The following LRRC37A2 variants were observed in gnomAD, a reference collection of about 807,000 sequenced individuals.
LRRC37A2 encodes leucine rich repeat containing 37 member A2, also known as leucine-rich repeat-containing protein 37A2.
A neutral mutation model predicts 68.8 loss-of-function variants in LRRC37A2; 9 were observed. The observed-to-expected ratio is 0.13, with a 90% CI of 0.08 to 0.23. LRRC37A2 has a LOEUF of 0.23. LRRC37A2 is among the 10% of genes least tolerant of loss of function. LRRC37A2 has a pLI of 1.00. For synonymous variants in LRRC37A2, 63 were observed against 367.6 expected, an observed-to-expected ratio of 0.17 and a Z score of 9.48; for missense variants, 168 against 950.4, an observed-to-expected ratio of 0.18 and a Z score of 10.82.
chr17:46,420,821 A>T, the LRRC37A2 span, among the ~76,000 whole-genome samples: 1 of 19,990 alleles, frequency 5.0e-5, no homozygotes, highest in African/African-American at 1.9e-4. Context: ...ATTTTTTGAG[A>T]TGGTGTGTTA....
the LRRC37A2 span, among the ~76,000 whole-genome samples, chr17:46,995,711 A>G: frequency 6.6e-6 from 1 of 152,238 alleles, no homozygotes; most frequent in Admixed American, 6.5e-5. Context: ...TGGCTCTGGA[A>G]TGATTCCCTC....
the LRRC37A2 span, among the ~76,000 whole-genome samples, chr17:46,997,514 CA>C: frequency 6.6e-6 from 1 of 152,112 alleles, no homozygotes; most frequent in Non-Finnish European, 1.5e-5. Context: ...CAAGTCTTGC[CA>C]AAAACTCAAA....
chr17:46,923,305 C>T, the LRRC37A2 span: 2 of 1,546,844 alleles, frequency 1.3e-6, no homozygotes, highest in Non-Finnish European at 8.7e-7. Context: ...CCTCGGACGT[C>T]AGCCAGGGTA....
At chr17:46,740,043 C>T in the LRRC37A2 span, among the ~76,000 whole-genome samples, 1 of 152,146 alleles carries the variant, frequency 6.6e-6, no homozygotes, top group South Asian at 2.1e-4. Flanking sequence ...TTCATAGGCC[C>T]TGGGCACTGT....
chr17:46,847,944 C>T, the LRRC37A2 span, among the ~76,000 whole-genome samples: 4 of 149,612 alleles, frequency 2.7e-5, no homozygotes, highest in African/African-American at 9.9e-5. Context: ...AGCTTTCAGC[C>T]TCATCATGTT....
chr17:46,738,219 C>A, the LRRC37A2 span, among the ~76,000 whole-genome samples: 1 of 152,088 alleles, frequency 6.6e-6, no homozygotes, highest in Non-Finnish European at 1.5e-5. Context: ...CAGGTGTGAG[C>A]CATTACACCC....
the LRRC37A2 span, among the ~76,000 whole-genome samples, chr17:46,737,385 A>G: frequency 6.6e-6 from 1 of 152,194 alleles, no homozygotes. Flanking sequence ...ATTTTTTAGC[A>G]TCAGCATATC....
At chr17:46,964,294 C>T in the LRRC37A2 span, 1 of 152,272 alleles carries the variant, frequency 6.6e-6, no homozygotes, top group African/African-American at 2.4e-5. Flanking sequence ...ACATTGGACT[C>T]CTCCTCCAGG....
chr17:46,836,095 C>CGTGTGTGTGTGT, the LRRC37A2 span, among the ~76,000 whole-genome samples: 4,244 of 126,408 alleles, frequency 0.034, 180 homozygotes, highest in East Asian at 0.13. Context: ...GAGACGCTGA[C>CGTGTGTGTGTGT]GTGTGTGTGT....
the LRRC37A2 span, chr17:46,933,516 A>G: frequency 6.6e-6 from 1 of 152,218 alleles, no homozygotes; most frequent in Non-Finnish European, 1.5e-5. Context: ...GCACATGATG[A>G]AATTAAAAGA....
At chr17:46,812,249 G>A in the LRRC37A2 span, among the ~76,000 whole-genome samples, 18 of 152,178 alleles carry the variant, frequency 1.2e-4, no homozygotes, top group African/African-American at 4.1e-4. Flanking sequence ...TTAGAGCCGG[G>A]ACAGCCAAAG....
the LRRC37A2 span, among the ~76,000 whole-genome samples, chr17:46,491,276 CTTAT>C: frequency 1.3e-5 from 2 of 150,728 alleles, no homozygotes; most frequent in South Asian, 4.1e-4. Context: ...GCCATGATAT[CTTAT>C]TTAATCTTTA....
the LRRC37A2 span, among the ~76,000 whole-genome samples, chr17:46,956,999 C>T: frequency 7.2e-5 from 11 of 152,246 alleles, no homozygotes; most frequent in Admixed American, 3.3e-4. Context: ...CGAGGCTGCC[C>T]GCTGACAGGT....
At chr17:46,875,215 G>A in the LRRC37A2 span, 3 of 1,614,068 alleles carry the variant, frequency 1.9e-6, no homozygotes, top group Non-Finnish European at 1.7e-6. Context: ...GACTCTCCGG[G>A]GCTGGAGAGC....
chr17:46,554,785 C>CT, intron 12 of LRRC37A2: 1 of 63,224 alleles, frequency 1.6e-5, no homozygotes, highest in Non-Finnish European at 2.4e-5. Context: ...GCCTGTGAGA[C>CT]TAAGTCCGAA....
At chr17:46,813,192 A>G in the LRRC37A2 span, among the ~76,000 whole-genome samples, 1 of 151,930 alleles carries the variant, frequency 6.6e-6, no homozygotes, top group Non-Finnish European at 1.5e-5. Flanking sequence ...GTAGAGTGTC[A>G]TGCTTCACAG....
At chr17:46,948,061 G>A in the LRRC37A2 span, among the ~76,000 whole-genome samples, 7 of 151,234 alleles carry the variant, frequency 4.6e-5, no homozygotes, top group South Asian at 1.3e-3. Context: ...GTGAGCCACC[G>A]CGCCCAGCCT....
the LRRC37A2 span, among the ~76,000 whole-genome samples, chr17:47,004,583 C>T: frequency 2.6e-5 from 4 of 152,198 alleles, no homozygotes; most frequent in African/African-American, 9.6e-5. Flanking sequence ...CTGGGGAGTG[C>T]AGTGGTGCAA....
chr17:46,965,515 G>A, the LRRC37A2 span, among the ~76,000 whole-genome samples: 1 of 152,320 alleles, frequency 6.6e-6, no homozygotes, highest in Non-Finnish European at 1.5e-5. Context: ...TCTGTGGACT[G>A]TGGGCTTCCC....
Sources: allele counts gnomAD v4.1 joint callset (sites outside exome capture counted in the v4.1 genomes callset), GRCh38; gene constraint gnomAD v4.1.1; transcripts MANE v1.5; gene names NCBI Gene and HGNC (gene_info 2026-07-23, HGNC 2026-07-21).